The following KCNQ5 variants were observed in gnomAD, a reference collection of about 807,000 sequenced individuals.
KCNQ5 encodes the protein potassium voltage-gated channel subfamily KQT member 5.
In KCNQ5, 30 loss-of-function variants were observed where a neutral mutation model predicts 98.2. That is an observed-to-expected ratio of 0.31 (90% CI 0.23 to 0.41). The LOEUF is 0.41. KCNQ5 is among the 10% of genes least tolerant of loss of function. The pLI is 1.00. For missense variants in KCNQ5, 835 were observed against 1,182.5 expected (o/e 0.71, Z 4.31); for synonymous variants, 458 against 449.4 (o/e 1.02, Z -0.24).
At chr6:72,953,479 A>C (rs1266719452) in intron 1 of KCNQ5, among the ~76,000 whole-genome samples, 1 of 152,228 alleles carries the variant, frequency 6.6e-6, no homozygotes, top group Non-Finnish European at 1.5e-5. Flanking sequence ...TTAATGACTG[A>C]AACAACAATT....
chr6:72,963,599 A>C (rs1250495360), intron 1 of KCNQ5, among the ~76,000 whole-genome samples: 2 of 152,224 alleles, frequency 1.3e-5, no homozygotes, highest in African/African-American at 4.8e-5. Context: ...TTCATGTTAA[A>C]AACTGAGTTG....
At chr6:72,903,429 A>C (rs1282687227) in intron 1 of KCNQ5, among the ~76,000 whole-genome samples, 1 of 151,964 alleles carries the variant, frequency 6.6e-6, no homozygotes, top group Admixed American at 6.6e-5. Context: ...TTAGATTGTC[A>C]GTTTGTGCTC....
chr6:73,120,659 AG>A, intron 8 of KCNQ5, 82 bp downstream of exon 8: 1 of 848,396 alleles, frequency 1.2e-6, no homozygotes. Flanking sequence ...ACACAAAAAA[AG>A]GTGTTAATGT....
intron 3 of KCNQ5, among the ~76,000 whole-genome samples, chr6:73,052,759 A>G (rs1305845878): frequency 6.6e-6 from 1 of 152,222 alleles, no homozygotes. Flanking sequence ...TGGAAAGGAA[A>G]GATTATTACT....
chr6:73,173,655 A>C (rs1441532195), intron 11 of KCNQ5, among the ~76,000 whole-genome samples: 1 of 152,164 alleles, frequency 6.6e-6, no homozygotes, highest in African/African-American at 2.4e-5. Flanking sequence ...TGCTGTTTAA[A>C]TTTAAAATAA....
At chr6:73,113,082 G>A (rs1008079654) in intron 7 of KCNQ5, among the ~76,000 whole-genome samples, 1 of 152,082 alleles carries the variant, frequency 6.6e-6, no homozygotes, top group Non-Finnish European at 1.5e-5. Flanking sequence ...TCAGCAGAAT[G>A]AAAAGAGGAG....
At chr6:73,105,005 A>C (rs1263121868) in intron 5 of KCNQ5, among the ~76,000 whole-genome samples, 3 of 152,216 alleles carry the variant, frequency 2.0e-5, no homozygotes, top group Non-Finnish European at 4.4e-5. Flanking sequence ...TACTTAAATA[A>C]TCTTTCCTTA....
Position 73,192,627 on chromosome 6 carries a change from C to G in KCNQ5, c.1772C>G (p.Thr591Arg). ...TSDKKSREKI[T>R]AEHETTDDLS... The stretch of plus-strand genomic sequence containing the variant: ...GATAAGAAGAGCCGAGAGAAAATAA[C>G]AGCAGAACATGAGACCACAGACGAT... Residue 591 changes from threonine (T) to arginine (R), a missense_variant, in exon 13 of 14, where the codon ACA becomes AGA. Coordinates refer to ENST00000370398, the MANE Select transcript of KCNQ5 (RefSeq NM_019842.4). 1 of 1,612,842 alleles carries G rather than the reference C, an allele frequency of 6.2e-7. No homozygotes were observed. The highest frequency in any genetic ancestry group is 1.1e-5 in the South Asian group (1 of 90,870).
rs1410078062 is a variant in KCNQ5 at position 73,077,860 on chromosome 6, A to G, written c.891A>G (p.Thr297=). The part of the protein sequence containing the change: ...VEKDANKEFS[T]YADALWWGTI... ...AGGATGCCAATAAAGAGTTTTCTAC[A>G]TATGCAGATGCTCTCTGGTGGGGCA... The change falls in exon 5 of 14, where the codon ACA becomes ACG. Residue 297 remains threonine, a synonymous_variant. Coordinates refer to ENST00000370398, the MANE Select transcript of KCNQ5 (RefSeq NM_019842.4). 1 of 1,611,732 alleles carries G rather than the reference A, an allele frequency of 6.2e-7. No homozygotes were observed. Among genetic ancestry groups the G allele is most frequent in the Admixed American group, 1.7e-5 (1 of 59,862 alleles).
intron 1 of KCNQ5, among the ~76,000 whole-genome samples, chr6:72,669,586 G>A (rs188311902): frequency 1.2e-4 from 18 of 152,292 alleles, no homozygotes; most frequent in Admixed American, 9.8e-4. Context: ...TGTGGTGGGA[G>A]TGGCAGTTCT....
At chr6:72,801,897 G>A (rs1318330174) in intron 1 of KCNQ5, among the ~76,000 whole-genome samples, 1 of 151,724 alleles carries the variant, frequency 6.6e-6, no homozygotes, top group Non-Finnish European at 1.5e-5. Flanking sequence ...GCTTAGTTTG[G>A]CTGGATATGA....
chr6:72,865,718 T>C (rs1777952733), intron 1 of KCNQ5, among the ~76,000 whole-genome samples: 1 of 152,160 alleles, frequency 6.6e-6, no homozygotes, highest in Non-Finnish European at 1.5e-5. Flanking sequence ...ACTTTACAAC[T>C]GACAACTGAA....
chr6:73,167,220 A>G (rs897845344), intron 10 of KCNQ5, among the ~76,000 whole-genome samples: 3 of 152,206 alleles, frequency 2.0e-5, no homozygotes, highest in Non-Finnish European at 4.4e-5. Flanking sequence ...TCAAACACAG[A>G]GTTAATCAAT....
chr6:73,022,188 G>A (rs1277739932), intron 2 of KCNQ5, among the ~76,000 whole-genome samples: 1 of 151,190 alleles, frequency 6.6e-6, no homozygotes, highest in African/African-American at 2.4e-5. Context: ...ATCTCTAGAT[G>A]CAAAAAAAAA....
chr6:72,694,251 C>T (rs1182430468), intron 1 of KCNQ5, among the ~76,000 whole-genome samples: 1 of 152,056 alleles, frequency 6.6e-6, no homozygotes, highest in African/African-American at 2.4e-5. Flanking sequence ...CATCTGTGAC[C>T]CTTAGAAGGG....
chr6:73,045,324 C>T (rs1220178041), intron 3 of KCNQ5, among the ~76,000 whole-genome samples: 2 of 152,100 alleles, frequency 1.3e-5, no homozygotes, highest in South Asian at 2.1e-4. Context: ...TTCATTACTA[C>T]TGTACATTGA....
intron 1 of KCNQ5, chr6:72,987,688 G>A (rs1405079086): frequency 1.2e-5 from 7 of 590,480 alleles, no homozygotes; most frequent in Admixed American, 2.5e-5. Context: ...CTTCTCCACC[G>A]CCCCCAACAA....
intron 3 of KCNQ5, chr6:73,054,960 G>A (rs748696025): frequency 2.0e-5 from 8 of 394,396 alleles, no homozygotes; most frequent in Non-Finnish European, 3.9e-5. Flanking sequence ...CTGCTCCAAA[G>A]CTCCTTGGTT....
At chr6:73,142,432 T>G (rs1317496709) in intron 10 of KCNQ5, among the ~76,000 whole-genome samples, 2 of 152,092 alleles carry the variant, frequency 1.3e-5, no homozygotes, top group East Asian at 3.9e-4. Flanking sequence ...CTACCTGCCT[T>G]TAACGACATG....
Sources: gnomAD v4.1 joint callset for allele counts (sites outside exome capture counted in the v4.1 genomes callset) on GRCh38, gnomAD v4.1.1 for gene constraint, MANE v1.5 for transcripts, NCBI Gene and HGNC (gene_info 2026-07-23, HGNC 2026-07-21) for gene names.